SMOC2: variants seen among roughly 807,000 people sequenced by gnomAD.
SMOC2 encodes SPARC related modular calcium binding 2.
Under a neutral mutation model 61.4 loss-of-function variants are expected in SMOC2, and 39 were observed. The observed-to-expected ratio is 0.64, with a 90% CI of 0.49 to 0.83. The LOEUF (loss-of-function observed/expected upper bound fraction) is 0.83. Among genes scored for constraint, SMOC2 ranks in the 40% least tolerant of loss-of-function variants. The probability of loss-of-function intolerance (pLI) is 0.00; values close to 1 mark genes in which losing one functional copy is unlikely to be tolerated. For missense variants in SMOC2, 556 were observed against 592.9 expected, an observed-to-expected ratio of 0.94 and a Z score of 0.65; for synonymous variants, 247 against 239.9, an observed-to-expected ratio of 1.03 and a Z score of -0.27.
In SMOC2 at chr6:168,636,093, C is replaced by T. The variant is rs199616570; in HGVS notation, c.908-14588C>T. Among the ~76,000 whole-genome samples, 11 of 152,278 alleles carry T rather than the reference C, an allele frequency of 7.2e-5. No individual in the cohort carries two copies. The East Asian group carries it at 2.1e-3, about 29-fold the overall frequency. On this transcript the variant is annotated intron_variant, in intron 9 of 12. Transcript: ENST00000356284. ...TGTGACTGATGAGGACAGCCCCCAGCCTGTGAGAAGTGTCTGCACTCAGAG... is the reference window on the plus strand; with the variant it reads ...TGTGACTGATGAGGACAGCCCCCAGTCTGTGAGAAGTGTCTGCACTCAGAG...
chr6:168,644,070 G>C (rs570077564), intron 9 of SMOC2, among the ~76,000 whole-genome samples: 1 of 152,230 alleles, frequency 6.6e-6, no homozygotes, highest in Non-Finnish European at 1.5e-5. Flanking sequence ...TTACTATGTA[G>C]AAGGAGTGGT....
chr6:168,581,793 C>T (rs538784028), intron 7 of SMOC2, among the ~76,000 whole-genome samples: 125 of 152,242 alleles, frequency 8.2e-4, no homozygotes, highest in South Asian at 2.1e-3. Flanking sequence ...CCCTGCAGCC[C>T]CCCTCCCCTC....
intron 1 of SMOC2, among the ~76,000 whole-genome samples, chr6:168,454,406 C>G (rs1781535284): frequency 6.6e-6 from 1 of 152,104 alleles, no homozygotes; most frequent in Non-Finnish European, 1.5e-5. Context: ...TCTTTAGATG[C>G]TTTCTGGGTT....
At chr6:168,603,116 TCCC>T (rs1785595934) in intron 8 of SMOC2, among the ~76,000 whole-genome samples, 1 of 142,680 alleles carries the variant, frequency 7.0e-6, no homozygotes, top group Non-Finnish European at 1.6e-5. Context: ...GTCTGACATT[TCCC>T]CTGCTTGCAC....
intron 1 of SMOC2, among the ~76,000 whole-genome samples, chr6:168,468,672 T>TTA (rs1781899079): frequency 1.3e-5 from 2 of 152,242 alleles, no homozygotes; most frequent in African/African-American, 4.8e-5. Context: ...GTAGCTGGGA[T>TTA]TACAGGTGTT....
intron 2 of SMOC2, among the ~76,000 whole-genome samples, chr6:168,512,455 C>CT (rs1443957551): frequency 6.6e-6 from 1 of 152,140 alleles, no homozygotes; most frequent in East Asian, 1.9e-4. Context: ...GAGCTACTTT[C>CT]AAAGGGAAAA....
chr6:168,515,489 T>A (rs1208999799), intron 2 of SMOC2, among the ~76,000 whole-genome samples: 1 of 152,234 alleles, frequency 6.6e-6, no homozygotes, highest in African/African-American at 2.4e-5. Context: ...TTAAGTCTGT[T>A]CCCTGCTGGG....
rs374938062 is a variant in SMOC2 at position 168,441,589 on chromosome 6, C to T, written c.84+135C>T. 17 of 1,242,504 alleles carry T rather than the reference C, an allele frequency of 1.4e-5. No homozygotes were observed. In the East Asian group the frequency reaches 4.9e-4, roughly 36 times the overall value. The allele number at this position is 1,242,504 out of a possible 1,614,324, so 77.0% of individuals were successfully genotyped here. A position where few individuals can be genotyped will look rare whatever the true frequency, so the allele number is the denominator to read the frequency against. On this transcript the variant is annotated intron_variant, in intron 1 of 12. Transcript: ENST00000356284. ...CAGGTGGCCCCGGGGGCCGTGGAGC[C>T]TTCGCCTGCCGGCGAGGCTGGAGCA...
At chr6:168,567,752 G>A (rs1237826056) in intron 7 of SMOC2, among the ~76,000 whole-genome samples, 1 of 152,212 alleles carries the variant, frequency 6.6e-6, no homozygotes, top group Non-Finnish European at 1.5e-5. Context: ...GGAGCCACAG[G>A]CGAAGACCAG....
intron 9 of SMOC2, among the ~76,000 whole-genome samples, chr6:168,622,667 T>A (rs1014456921): frequency 6.6e-6 from 1 of 152,088 alleles, no homozygotes; most frequent in Admixed American, 6.5e-5. Flanking sequence ...GGGCTGCCTG[T>A]CTTGTCTTCC....
chr6:168,523,641 C>T (rs368772118), intron 2 of SMOC2, among the ~76,000 whole-genome samples: 15 of 152,012 alleles, frequency 9.9e-5, no homozygotes, highest in East Asian at 5.8e-4. Context: ...CCTCGTGATG[C>T]GCCCACCTCA....
At chr6:168,496,991 G>C (rs1402509204) in intron 1 of SMOC2, among the ~76,000 whole-genome samples, 1 of 152,234 alleles carries the variant, frequency 6.6e-6, no homozygotes, top group Admixed American at 6.5e-5. Context: ...TGCGGCCCCC[G>C]GCAAGCATGG....
intron 7 of SMOC2, among the ~76,000 whole-genome samples, chr6:168,595,880 G>C (rs1312211200): frequency 6.6e-6 from 1 of 152,190 alleles, no homozygotes; most frequent in Admixed American, 6.5e-5. Flanking sequence ...GAATTTTTGA[G>C]AACAATTTCT....
intron 9 of SMOC2, among the ~76,000 whole-genome samples, chr6:168,641,198 C>G (rs546287347): frequency 1.6e-4 from 25 of 152,210 alleles, no homozygotes; most frequent in Admixed American, 1.4e-3. Flanking sequence ...TTGCACAGAA[C>G]ACCTCCTTAA....
At chr6:168,474,266 G>A in intron 1 of SMOC2, among the ~76,000 whole-genome samples, 1 of 152,134 alleles carries the variant, frequency 6.6e-6, no homozygotes, top group Non-Finnish European at 1.5e-5. Flanking sequence ...CTGTGCACCT[G>A]TGCATAAGGG....
chr6:168,541,996 T>C (rs1783886508), intron 4 of SMOC2, among the ~76,000 whole-genome samples: 1 of 152,242 alleles, frequency 6.6e-6, no homozygotes, highest in Admixed American at 6.5e-5. Context: ...AGAAACTCTC[T>C]CATGAAAGAT....
intron 7 of SMOC2, among the ~76,000 whole-genome samples, chr6:168,559,613 G>A (rs1398412462): frequency 6.6e-6 from 1 of 152,058 alleles, no homozygotes; most frequent in African/African-American, 2.4e-5. Flanking sequence ...GACCCTTTGG[G>A]AGATGACTCA....
intron 9 of SMOC2, among the ~76,000 whole-genome samples, chr6:168,630,838 C>A (rs1432076265): frequency 6.6e-6 from 1 of 152,198 alleles, no homozygotes; most frequent in East Asian, 1.9e-4. Flanking sequence ...AGACTCCAGT[C>A]TCCTATAGTG....
chr6:168,568,712 A>G (rs1217593228), intron 7 of SMOC2, among the ~76,000 whole-genome samples: 2 of 151,978 alleles, frequency 1.3e-5, no homozygotes, highest in Non-Finnish European at 2.9e-5. Context: ...CTTGGAAACC[A>G]CTGATCTTTT....
Sources: gnomAD v4.1 joint callset for allele counts (sites outside exome capture counted in the v4.1 genomes callset) on GRCh38, gnomAD v4.1.1 for gene constraint, MANE v1.5 for transcripts, NCBI Gene and HGNC (gene_info 2026-07-23, HGNC 2026-07-21) for gene names.